The following ZNF609 variants were observed in gnomAD, a reference collection of about 807,000 sequenced individuals.
The protein encoded by ZNF609 is zinc finger protein 609.
ZNF609 carries 11 observed loss-of-function variants against 109.5 expected under a neutral mutation model. The observed-to-expected ratio is 0.10, with a 90% CI of 0.06 to 0.17. ZNF609 has a LOEUF of 0.17. Ranked by LOEUF, ZNF609 falls within the 10% of genes least tolerant of loss-of-function variation. The pLI is 1.00. For synonymous variants in ZNF609, 646 were observed against 662.0 expected (o/e 0.98, Z 0.37); for missense variants, 1,559 against 1,772.4 (o/e 0.88, Z 2.16).
At chr15:64,625,781 C>A (rs1468693982) in intron 3 of ZNF609, among the ~76,000 whole-genome samples, 1 of 137,544 alleles carries the variant, frequency 7.3e-6, no homozygotes, top group Non-Finnish European at 1.6e-5. Flanking sequence ...CCCAGCTACT[C>A]GGGAGGCTGA....
intron 2 of ZNF609, among the ~76,000 whole-genome samples, chr15:64,582,570 C>G (rs1391328111): frequency 2.6e-5 from 4 of 152,080 alleles, no homozygotes; most frequent in Admixed American, 6.6e-5. Flanking sequence ...AAAACTCAGT[C>G]CAACTTTTTG....
intron 3 of ZNF609, among the ~76,000 whole-genome samples, chr15:64,633,201 G>A (rs909743762): frequency 6.6e-6 from 1 of 151,770 alleles, no homozygotes; most frequent in Non-Finnish European, 1.5e-5. Flanking sequence ...AGGCTGGAGT[G>A]CAGTGGCGTG....
chr15:64,676,073 C>T lies in ZNF609; in HGVS notation c.3219C>T (p.Asp1073=), dbSNP rs116277489. 1.2e-3 allele frequency: 2,001 copies of T among 1,614,218 alleles called. 22 individuals carry two copies. In the African/African-American group the frequency reaches 0.023, roughly 18 times the overall value. The change falls in exon 5 of 10, where the codon GAC becomes GAT. Residue 1073 remains aspartate (D), a synonymous_variant. Transcript: ENST00000326648. ...GPGKAKEPGA[D]PAKSVIIPKL... is the part of the protein sequence containing the mutation. ...GCAAGGCCAAGGAGCCAGGGGCTGACCCAGCCAAATCAGTCATCATTCCCA... is the reference window on the plus strand; with the variant it reads ...GCAAGGCCAAGGAGCCAGGGGCTGATCCAGCCAAATCAGTCATCATTCCCA...
At chr15:64,637,232 CTTTG>C (rs1172952294) in intron 3 of ZNF609, among the ~76,000 whole-genome samples, 6 of 152,098 alleles carry the variant, frequency 3.9e-5, no homozygotes, top group African/African-American at 1.4e-4. Context: ...TGTTGTTAAA[CTTTG>C]TTTATTTTCA....
chr15:64,607,927 C>T (rs1895639429), intron 2 of ZNF609, among the ~76,000 whole-genome samples: 1 of 103,772 alleles, frequency 9.6e-6, no homozygotes, highest in Admixed American at 1.4e-4. Context: ...GAGACAGAGT[C>T]TCACTCTGTT....
At chr15:64,487,982 G>C (rs919103375) in intron 1 of ZNF609, among the ~76,000 whole-genome samples, 1 of 152,122 alleles carries the variant, frequency 6.6e-6, no homozygotes, top group Admixed American at 6.6e-5. Flanking sequence ...AAGTCTGATA[G>C]AACTTTTACA....
chr15:64,504,920 A>G (rs1032014897), intron 2 of ZNF609, among the ~76,000 whole-genome samples: 1 of 152,012 alleles, frequency 6.6e-6, no homozygotes, highest in African/African-American at 2.4e-5. Context: ...TGGCCTCGCA[A>G]GTAGCTGGGA....
intron 2 of ZNF609, among the ~76,000 whole-genome samples, chr15:64,534,317 A>C (rs1290790633): frequency 8.4e-6 from 1 of 119,206 alleles, no homozygotes; most frequent in Non-Finnish European, 1.8e-5. Context: ...AGCATTATTT[A>C]TTTTTTTTTT....
At chr15:64,551,172 C>T (rs1175258569) in intron 2 of ZNF609, among the ~76,000 whole-genome samples, 2 of 152,068 alleles carry the variant, frequency 1.3e-5, no homozygotes, top group Non-Finnish European at 2.9e-5. Context: ...ACTCCCACCT[C>T]GGACTCCTGA....
chr15:64,668,728 C>T lies in ZNF609; in HGVS notation c.974-1618C>T, dbSNP rs369608980. 2.1e-3 allele frequency among the ~76,000 whole-genome samples: 313 copies of T among 151,978 alleles called. 1 individual carries two copies. Among genetic ancestry groups the T allele is most frequent in the African/African-American group, 7.4e-3 (308 of 41,464 alleles). On this transcript the variant is annotated intron_variant, in intron 3 of 9. Coordinates refer to ENST00000326648, the MANE Select transcript of ZNF609 (RefSeq NM_015042.2). Reference sequence around the variant, plus strand: ...CAGCACTTTGGGAGGTTGAGGCAGGCGGATCACATGAGGTCGGGAGATTGA... The same window carrying T: ...CAGCACTTTGGGAGGTTGAGGCAGGTGGATCACATGAGGTCGGGAGATTGA...
chr15:64,642,022 A>G (rs541044483), intron 3 of ZNF609, among the ~76,000 whole-genome samples: 1 of 152,268 alleles, frequency 6.6e-6, no homozygotes, highest in African/African-American at 2.4e-5. Context: ...TGCCAGGATA[A>G]GTAGGATAAA....
chr15:64,651,721 A>T (rs1896418359), intron 3 of ZNF609, among the ~76,000 whole-genome samples: 1 of 152,228 alleles, frequency 6.6e-6, no homozygotes, highest in African/African-American at 2.4e-5. Flanking sequence ...CATTATTGAC[A>T]TAGCAAAGAC....
At chr15:64,525,924 G>A (rs1454921103) in intron 2 of ZNF609, among the ~76,000 whole-genome samples, 1 of 151,772 alleles carries the variant, frequency 6.6e-6, no homozygotes, top group Non-Finnish European at 1.5e-5. Flanking sequence ...AAATAACTGG[G>A]ACTACAGGTG....
At position 64,582,785 on chromosome 15, in the gene ZNF609, T is replaced by C. The variant is rs1156843708; in HGVS notation, c.748-40042T>C. 3.2e-5 allele frequency among the ~76,000 whole-genome samples: 4 copies of C among 123,492 alleles called. No homozygotes were observed. The East Asian group carries it at 1.2e-3, about 36-fold the overall frequency. The allele number at this position is 123,492 out of a possible 152,430, so 81.0% of individuals were successfully genotyped here. A position where few individuals can be genotyped will look rare whatever the true frequency, so the allele number is the denominator to read the frequency against. The stretch of plus-strand genomic sequence containing the variant: ...TTTTTTTTTTGAGACAGAGTCTCGC[T>C]TTGTCACCCAGGATGGAGTGCAGTG... On this transcript the variant is annotated intron_variant, in intron 2 of 9. Transcript: ENST00000326648.
chr15:64,647,746 A>C (rs553656785), intron 3 of ZNF609, among the ~76,000 whole-genome samples: 2 of 152,320 alleles, frequency 1.3e-5, no homozygotes, highest in Admixed American at 1.3e-4. Flanking sequence ...CTAGCTCTTC[A>C]AGAGCTGAGC....
chr15:64,464,770 A>C (rs934285135), intron 1 of ZNF609, among the ~76,000 whole-genome samples: 1 of 152,166 alleles, frequency 6.6e-6, no homozygotes, highest in Non-Finnish European at 1.5e-5. Flanking sequence ...GGGAACAGGT[A>C]ATTCACCAAA....
intron 2 of ZNF609, among the ~76,000 whole-genome samples, chr15:64,591,527 C>T (rs1257820143): frequency 1.3e-5 from 2 of 151,992 alleles, no homozygotes; most frequent in Non-Finnish European, 2.9e-5. Context: ...ATGTGCATAC[C>T]CTTTTACTTG....
chr15:64,583,326 G>A (rs1057485528), intron 2 of ZNF609, among the ~76,000 whole-genome samples: 2 of 151,728 alleles, frequency 1.3e-5, no homozygotes, highest in Non-Finnish European at 2.9e-5. Context: ...CTGGGTGACA[G>A]AGCAAGAGTC....
At chr15:64,550,586 C>A (rs1481075428) in intron 2 of ZNF609, among the ~76,000 whole-genome samples, 1 of 151,856 alleles carries the variant, frequency 6.6e-6, no homozygotes, top group East Asian at 1.9e-4. Flanking sequence ...GTGACTCATG[C>A]CTGTAATCCC....
Sources: allele counts gnomAD v4.1 joint callset (sites outside exome capture counted in the v4.1 genomes callset), GRCh38; gene constraint gnomAD v4.1.1; transcripts MANE v1.5; gene names NCBI Gene and HGNC (gene_info 2026-07-23, HGNC 2026-07-21).